CEP120: variants seen among roughly 807,000 people sequenced by gnomAD.
CEP120 encodes centrosomal protein of 120 kDa.
In CEP120, 113 loss-of-function variants were observed where a neutral mutation model predicts 126.5. That is an observed-to-expected ratio of 0.89 (90% CI 0.77 to 1.04). The LOEUF (loss-of-function observed/expected upper bound fraction) is 1.04, where lower values mean the gene tolerates loss of function less well. Among genes scored for constraint, CEP120 ranks in the 50% least tolerant of loss-of-function variants. The pLI, the probability that CEP120 is intolerant of heterozygous loss-of-function variation, is 0.00. For synonymous variants in CEP120, 400 were observed against 394.3 expected (o/e 1.01, Z -0.17); for missense variants, 1,230 against 1,155.7 (o/e 1.06, Z -0.93).
At chr5:123,360,161 C>A (rs776369629) in intron 18 of CEP120, among the ~76,000 whole-genome samples, 1 of 151,902 alleles carries the variant, frequency 6.6e-6, no homozygotes, top group Admixed American at 6.6e-5. Flanking sequence ...ACCAGATAGA[C>A]GATTCCAAAA....
At position 123,384,969 on chromosome 5, in the gene CEP120, G is replaced by C; in HGVS notation, c.1745C>G (p.Pro582Arg). Residue 582 changes from proline (P) to arginine (R), a missense_variant, in exon 11 of 20, where the codon CCT becomes CGT. Pro to Arg is a moderately radical substitution (Grantham distance 103). Coordinates refer to ENST00000306467, the MANE Select transcript of CEP120 (RefSeq NM_001375405.1). ...GCATTACCCTTGTGCTGCTATAACA[G>C]GCACACTTTCACTGTAAGTTTGACG... ...CWRQTYSESV[P>R]VIAAQGSNNR... 1.9e-6 allele frequency: 3 copies of C among 1,610,252 alleles called. No homozygotes were observed. The highest frequency in any genetic ancestry group is 2.2e-5 in the South Asian group (2 of 90,334).
intron 18 of CEP120, among the ~76,000 whole-genome samples, chr5:123,361,220 G>T (rs1770054816): frequency 6.6e-6 from 1 of 151,774 alleles, no homozygotes; most frequent in South Asian, 2.1e-4. Flanking sequence ...CTATCCAGTA[G>T]TGTTATTTGA....
rs1768773889 is a variant in CEP120 at position 123,345,801 on chromosome 5, C to A, written c.*718G>T. 1 of 152,016 alleles carries A rather than the reference C, an allele frequency of 6.6e-6. No homozygotes were observed. The highest frequency in any genetic ancestry group is 1.5e-5 in the Non-Finnish European group (1 of 68,004). The allele number at this position is 152,016 out of a possible 1,614,324, so 9.4% of individuals were successfully genotyped here. A position where few individuals can be genotyped will look rare whatever the true frequency, so the allele number is the denominator to read the frequency against. On this transcript the variant is annotated 3_prime_UTR_variant, in exon 20 of 20. Coordinates refer to ENST00000306467, the MANE Select transcript of CEP120 (RefSeq NM_001375405.1). The stretch of plus-strand genomic sequence containing the variant: ...CTATAACTGGAAAATAAAAAGAAAT[C>A]TCTAATTTTAACAAAAGAAAACAAT...
chr5:123,367,349 C>T (rs758506662), intron 17 of CEP120, among the ~76,000 whole-genome samples: 11 of 151,850 alleles, frequency 7.2e-5, no homozygotes, highest in Non-Finnish European at 1.0e-4. Context: ...GTAGGCCCTA[C>T]TAAATTACAT....
chr5:123,370,310 G>A (rs1770761091), intron 17 of CEP120, among the ~76,000 whole-genome samples: 1 of 151,834 alleles, frequency 6.6e-6, no homozygotes, highest in Non-Finnish European at 1.5e-5. Context: ...TTGAGTGCTG[G>A]ATTTATTAAA....
chr5:123,388,412 G>T lies in CEP120; in HGVS notation c.1430+20C>A. Reference sequence around the variant, plus strand: ...CTTTCTCTTCAGAAAATAATACTTTGAAACAAAATCAAATCACACCTTAAT... The same window carrying T: ...CTTTCTCTTCAGAAAATAATACTTTTAAACAAAATCAAATCACACCTTAAT... On this transcript the variant is annotated intron_variant, in intron 9 of 19. Transcript: ENST00000306467. The T allele has an allele frequency of 1.4e-6, 2 of 1,443,672 alleles. No individual in the cohort carries two copies. The highest frequency in any genetic ancestry group is 1.6e-5 in the South Asian group (1 of 63,900). The allele number at this position is 1,443,672 out of a possible 1,614,324, so 89.4% of individuals were successfully genotyped here.
intron 18 of CEP120, among the ~76,000 whole-genome samples, chr5:123,357,878 C>T (rs1769758920): frequency 6.7e-6 from 1 of 148,974 alleles, no homozygotes; most frequent in African/African-American, 2.6e-5. Context: ...TGACAATAGC[C>T]AATTATTGGC....
chr5:123,421,899 A>G (rs569427576), intron 1 of CEP120, among the ~76,000 whole-genome samples: 19 of 152,330 alleles, frequency 1.2e-4, no homozygotes, highest in African/African-American at 4.3e-4. Context: ...GATTAGGATT[A>G]CAATGTTTCC....
chr5:123,350,961 T>A (rs1769161740), intron 18 of CEP120, among the ~76,000 whole-genome samples: 1 of 152,222 alleles, frequency 6.6e-6, no homozygotes, highest in African/African-American at 2.4e-5. Context: ...TATCACACAG[T>A]TAGCTCAGGA....
chr5:123,351,498 T>C (rs1183186717), intron 18 of CEP120, among the ~76,000 whole-genome samples: 1 of 152,222 alleles, frequency 6.6e-6, no homozygotes, highest in Non-Finnish European at 1.5e-5. Context: ...CACATTTGTA[T>C]GCATTCCTAC....
At chr5:123,400,142 TAA>T (rs1773079402) in intron 4 of CEP120, among the ~76,000 whole-genome samples, 1 of 152,202 alleles carries the variant, frequency 6.6e-6, no homozygotes, top group African/African-American at 2.4e-5. Flanking sequence ...GAGTTAATCC[TAA>T]AGAGTTGTGC....
intron 16 of CEP120, among the ~76,000 whole-genome samples, chr5:123,376,781 T>C (rs1489119800): frequency 2.0e-5 from 3 of 152,088 alleles, no homozygotes; most frequent in East Asian, 3.9e-4. Flanking sequence ...GTCCCAGATG[T>C]AGACTGTCTC....
chr5:123,357,116 ATTTC>A (rs951446043), intron 18 of CEP120, among the ~76,000 whole-genome samples: 7 of 152,060 alleles, frequency 4.6e-5, no homozygotes, highest in African/African-American at 1.4e-4. Flanking sequence ...TGTCTTACAA[ATTTC>A]TTTATTTTTG....
chr5:123,399,214 A>T lies in CEP120; in HGVS notation c.534T>A (p.His178Gln). Residue 178 changes from histidine (H) to glutamine (Q), a missense_variant, in exon 5 of 20, where the codon CAT (histidine) becomes CAA (glutamine). By Grantham distance (24) the His-to-Gln change is conservative. Transcript: ENST00000306467. The part of the protein sequence containing the change: ...VAVLNEEGGY[H>Q]QIGPAEYCTD... Reference sequence around the variant, plus strand: ...TACAGTATTCTGCTGGTCCAATCTGATGGTAGCCTCCCTCTTCATTCAGCA... The same window carrying T: ...TACAGTATTCTGCTGGTCCAATCTGTTGGTAGCCTCCCTCTTCATTCAGCA... The T allele has an allele frequency of 6.2e-7, 1 of 1,614,022 alleles. No homozygotes were observed. The highest frequency in any genetic ancestry group is 8.5e-7 in the Non-Finnish European group (1 of 1,179,872).
intron 18 of CEP120, among the ~76,000 whole-genome samples, chr5:123,363,307 G>A (rs1050746898): frequency 6.6e-5 from 10 of 151,422 alleles, no homozygotes; most frequent in African/African-American, 2.4e-4. Flanking sequence ...TACTCTATAT[G>A]GCCTGTGTCA....
intron 18 of CEP120, among the ~76,000 whole-genome samples, chr5:123,357,585 G>A (rs1206687164): frequency 6.6e-6 from 1 of 152,038 alleles, no homozygotes; most frequent in Non-Finnish European, 1.5e-5. Flanking sequence ...AATGTAAGTG[G>A]CGTGGCAAAA....
intron 5 of CEP120, among the ~76,000 whole-genome samples, chr5:123,396,511 A>G (rs1772801630): frequency 6.6e-6 from 1 of 152,158 alleles, no homozygotes; most frequent in African/African-American, 2.4e-5. Context: ...TTGGTTTTTA[A>G]AAGTTATGGA....
At chr5:123,373,272 T>G (rs962127819) in intron 16 of CEP120, among the ~76,000 whole-genome samples, 1 of 151,718 alleles carries the variant, frequency 6.6e-6, no homozygotes, top group African/African-American at 2.4e-5. Context: ...AGGAGAAGAC[T>G]CAGGAATAAA....
intron 6 of CEP120, 80 bp from the exon 7 acceptor site, chr5:123,391,417 G>T: frequency 9.2e-7 from 1 of 1,090,700 alleles, no homozygotes; most frequent in Non-Finnish European, 1.3e-6. Flanking sequence ...ATAAGAAGTT[G>T]TAAAATGATG....
Sources: allele counts gnomAD v4.1 joint callset (sites outside exome capture counted in the v4.1 genomes callset), GRCh38; gene constraint gnomAD v4.1.1; transcripts MANE v1.5; gene names NCBI Gene and HGNC (gene_info 2026-07-23, HGNC 2026-07-21).